CACNA1D: variants seen among roughly 807,000 people sequenced by gnomAD.
CACNA1D encodes calcium voltage-gated channel subunit alpha1 D.
Under a neutral mutation model 257.1 loss-of-function variants are expected in CACNA1D, and 55 were observed. That is an observed-to-expected ratio of 0.21 (90% confidence interval 0.17 to 0.27). The LOEUF (loss-of-function observed/expected upper bound fraction) is 0.27. Among genes scored for constraint, CACNA1D ranks in the 10% least tolerant of loss-of-function variants. The pLI is 1.00. For synonymous variants in CACNA1D, 980 were observed against 1,014.9 expected (o/e 0.97, Z 0.65); for missense variants, 1,876 against 2,784.0 (o/e 0.67, Z 7.34).
intron 8 of CACNA1D, among the ~76,000 whole-genome samples, chr3:53,687,386 C>G (rs1343213546): frequency 6.6e-6 from 1 of 151,838 alleles, no homozygotes; most frequent in Non-Finnish European, 1.5e-5. Context: ...GTAATAAATA[C>G]AATGTTTGAC....
chr3:53,791,286 A>G (rs1448414715), intron 40 of CACNA1D: 1 of 423,730 alleles, frequency 2.4e-6, no homozygotes, highest in African/African-American at 2.0e-5. Flanking sequence ...AAAGCTTAAC[A>G]GTTTTCCCTT....
At chr3:53,760,072 G>A (rs1257470621) in intron 29 of CACNA1D, among the ~76,000 whole-genome samples, 1 of 152,188 alleles carries the variant, frequency 6.6e-6, no homozygotes, top group African/African-American at 2.4e-5. Flanking sequence ...AGTCAGTGAG[G>A]GTAAAATGGG....
At chr3:53,617,776 A>T (rs979584328) in intron 3 of CACNA1D, among the ~76,000 whole-genome samples, 2 of 152,324 alleles carry the variant, frequency 1.3e-5, no homozygotes, top group Admixed American at 6.5e-5. Flanking sequence ...GCACTCAGCT[A>T]GGGACGCAGC....
At position 53,727,018 on chromosome 3, in the gene CACNA1D, AG is replaced by A. The variant is rs1399961454; in HGVS notation, c.2221+21del. On this transcript the variant is annotated intron_variant, in intron 15 of 47. Transcript: ENST00000350061. ...GGTAACTGTATCCTTCAAGCCGACC[AG>A]GCTTTGTTGTTGCCGTCGTTATCTG... 8.1e-6 allele frequency: 13 copies of A among 1,613,852 alleles called. No individual in the cohort carries two copies. The highest frequency in any genetic ancestry group is 1.1e-5 in the Non-Finnish European group (13 of 1,179,876).
At chr3:53,633,373 G>T (rs550665386) in intron 3 of CACNA1D, among the ~76,000 whole-genome samples, 1 of 152,270 alleles carries the variant, frequency 6.6e-6, no homozygotes, top group South Asian at 2.1e-4. Flanking sequence ...TACGGTCCCG[G>T]CTGCTCGGGA....
At chr3:53,683,891 G>A (rs1355386846) in intron 8 of CACNA1D, among the ~76,000 whole-genome samples, 1 of 152,136 alleles carries the variant, frequency 6.6e-6, no homozygotes, top group Non-Finnish European at 1.5e-5. Flanking sequence ...AGCTGAACAT[G>A]TTGCAAGTAT....
intron 3 of CACNA1D, among the ~76,000 whole-genome samples, chr3:53,584,826 G>A (rs777421263): frequency 3.7e-4 from 53 of 143,444 alleles, no homozygotes; most frequent in Non-Finnish European, 6.0e-4. Flanking sequence ...CAGCCTTGCT[G>A]TTTGCAGTGC....
chr3:53,653,261 G>A (rs530528296), intron 4 of CACNA1D, among the ~76,000 whole-genome samples: 5 of 151,834 alleles, frequency 3.3e-5, no homozygotes, highest in Non-Finnish European at 7.4e-5. Flanking sequence ...AAAAAAAAAA[G>A]CAAACTGATA....
intron 40 of CACNA1D, among the ~76,000 whole-genome samples, chr3:53,797,324 G>C (rs1010931228): frequency 6.6e-6 from 1 of 152,128 alleles, no homozygotes; most frequent in Non-Finnish European, 1.5e-5. Flanking sequence ...ACTCCCAGTC[G>C]TGGGGGACAG....
Position 53,600,206 on chromosome 3 carries a change from T to G in CACNA1D, c.484-50573T>G, listed in dbSNP as rs573159153. ...TGGCCAGCATGTATCATGAAGTTAC[T>G]TCTTATTTCACCCTTTGGGGGACTC... On this transcript the variant is annotated intron_variant, in intron 3 of 47. Transcript: ENST00000350061. 2.6e-5 allele frequency among the ~76,000 whole-genome samples: 4 copies of G among 152,370 alleles called. No homozygotes were observed. The South Asian group carries it at 6.2e-4, about 24-fold the overall frequency.
chr3:53,659,855 A>G (rs565828232), intron 4 of CACNA1D, among the ~76,000 whole-genome samples: 6 of 152,206 alleles, frequency 3.9e-5, no homozygotes, highest in Non-Finnish European at 8.8e-5. Context: ...ACTTGTCATC[A>G]TTGAGTTCCC....
At chr3:53,576,529 A>AT (rs2093041465) in intron 3 of CACNA1D, among the ~76,000 whole-genome samples, 1 of 152,184 alleles carries the variant, frequency 6.6e-6, no homozygotes. Context: ...CCAGTCCAGC[A>AT]TTTTGCCACT....
At position 53,776,968 on chromosome 3, in the gene CACNA1D, G is replaced by C. The variant is rs1417092983; in HGVS notation, c.4587+12G>C. 6.3e-7 allele frequency: 1 copy of C among 1,594,444 alleles called. No homozygotes were observed. Among genetic ancestry groups the C allele is most frequent in the African/African-American group, 1.3e-5 (1 of 74,558 alleles). ...GGGTAGCGTGCAAGGTGAGTGTCCT[G>C]TGTGCGTGTCTGACAGCCTGTCTTG... On this transcript the variant is annotated intron_variant, in intron 37 of 47. Coordinates refer to ENST00000350061, the MANE Select transcript of CACNA1D (RefSeq NM_001128840.3).
At position 53,811,188 on chromosome 3, in the gene CACNA1D, G is replaced by A. The variant is rs1335735291; in HGVS notation, c.6268G>A (p.Asp2090Asn). The A allele has an allele frequency of 1.2e-6, 2 of 1,613,986 alleles. No individual in the cohort carries two copies. The highest frequency in any genetic ancestry group is 1.7e-6 in the Non-Finnish European group (2 of 1,180,000). Residue 2090 changes from aspartate to asparagine, a missense_variant, in exon 48 of 48, where the codon GAT becomes AAT. Physicochemically the swap from Asp to Asn is conservative, Grantham distance 23. This residue lies in a region of CACNA1D where 491 missense variants were observed against 554.3 expected (regional missense o/e 0.89). Coordinates refer to ENST00000350061, the MANE Select transcript of CACNA1D (RefSeq NM_001128840.3). This position sits in a 1 kb window ranked among gnomAD's most constrained non-coding sequence, Gnocchi z 4.2. ...GTCAGCAACAAAACACGAAATCGCT[G>A]ATGCCTGTGACCTCACCATCGACGA... ...FVSATKHEIA[D>N]ACDLTIDEME...
chr3:53,798,906 T>C (rs528679162), intron 40 of CACNA1D, among the ~76,000 whole-genome samples: 5 of 152,290 alleles, frequency 3.3e-5, no homozygotes, highest in Admixed American at 2.0e-4. Context: ...CATGCTTGTC[T>C]CAGGGATGGT....
chr3:53,716,977 G>T lies in CACNA1D; in HGVS notation c.1391-1324G>T, dbSNP rs149396172. ...CCCCCTACGCGAGCTGCCTGATCCA[G>T]CTCCTTTCCCCCTGAGCCTGGGCTG... On this transcript the variant is annotated intron_variant, in intron 9 of 47. Transcript: ENST00000350061. 9.5e-4 allele frequency among the ~76,000 whole-genome samples: 144 copies of T among 152,326 alleles called. 1 individual carries two copies. Among genetic ancestry groups the T allele is most frequent in the Middle Eastern group, 3.4e-3 (1 of 294 alleles).
At chr3:53,796,621 A>G (rs1480550684) in intron 40 of CACNA1D, among the ~76,000 whole-genome samples, 1 of 152,210 alleles carries the variant, frequency 6.6e-6, no homozygotes, top group Non-Finnish European at 1.5e-5. Flanking sequence ...ATATTATGCT[A>G]TTCAGAAGTG....
intron 33 of CACNA1D, chr3:53,773,723 G>A (rs2095380329): frequency 6.6e-6 from 1 of 151,816 alleles, no homozygotes; most frequent in African/African-American, 2.4e-5. Flanking sequence ...CAGATCTCTG[G>A]GAATCTTACC....
chr3:53,776,463 C>A, intron 35 of CACNA1D, 140 bp from the exon 36 acceptor site: 2 of 993,256 alleles, frequency 2.0e-6, no homozygotes, highest in Non-Finnish European at 3.0e-6. Context: ...CTTAAACATT[C>A]TCCAAATAGA....
Sources: allele counts gnomAD v4.1 joint callset (sites outside exome capture counted in the v4.1 genomes callset), GRCh38; gene constraint gnomAD v4.1.1; regional missense constraint gnomAD v4.1.1; non-coding constraint Gnocchi (gnomAD v3.1); transcripts MANE v1.5; gene names NCBI Gene and HGNC (gene_info 2026-07-23, HGNC 2026-07-21).